The following NBEA variants were observed in gnomAD, a reference collection of about 807,000 sequenced individuals.
NBEA encodes the protein neurobeachin, also known as lysosomal-trafficking regulator 2.
Under a neutral mutation model 343.4 loss-of-function variants are expected in NBEA, and 44 were observed. That is an observed-to-expected ratio of 0.13 (90% CI 0.10 to 0.16). NBEA has a LOEUF of 0.16. Among genes scored for constraint, NBEA ranks in the 10% least tolerant of loss-of-function variants. The pLI, the probability that NBEA is intolerant of heterozygous loss-of-function variation, is 1.00. For missense variants in NBEA, 2,555 were observed against 3,631.3 expected (o/e 0.70, Z 7.62); for synonymous variants, 1,175 against 1,238.7 (o/e 0.95, Z 1.08).
intron 21 of NBEA, among the ~76,000 whole-genome samples, chr13:35,157,631 C>T (rs1364728641): frequency 6.6e-6 from 1 of 151,898 alleles, no homozygotes; most frequent in African/African-American, 2.4e-5. Flanking sequence ...TTTAAGAAGT[C>T]AGATTTTTTT....
At chr13:35,279,407 C>G (rs2034889825) in intron 34 of NBEA, among the ~76,000 whole-genome samples, 1 of 152,118 alleles carries the variant, frequency 6.6e-6, no homozygotes, top group East Asian at 1.9e-4. Flanking sequence ...ATTTTCAGTT[C>G]AGAGTTTCTT....
At position 35,514,971 on chromosome 13, in the gene NBEA, T is replaced by C. The variant is rs537219693; in HGVS notation, c.6586-35506T>C. Among the ~76,000 whole-genome samples the C allele has an allele frequency of 1.1e-4, 17 of 152,304 alleles. No individual in the cohort carries two copies. In the South Asian group the frequency reaches 2.3e-3, roughly 20 times the overall value. ...ACAGATAAGTCCGTGTAATTCCCCA[T>C]TGCAACAGAAATGATGCTCCAGATT... On this transcript the variant is annotated intron_variant, in intron 41 of 58. Coordinates refer to ENST00000379939, the MANE Select transcript of NBEA (RefSeq NM_001385012.1).
intron 41 of NBEA, among the ~76,000 whole-genome samples, chr13:35,546,160 G>T (rs1016030378): frequency 6.6e-6 from 1 of 152,164 alleles, no homozygotes; most frequent in Non-Finnish European, 1.5e-5. Flanking sequence ...GTCACAGGGA[G>T]GGGACAGACA....
chr13:35,431,232 A>G (rs908077160), intron 38 of NBEA, among the ~76,000 whole-genome samples: 2 of 152,136 alleles, frequency 1.3e-5, no homozygotes, highest in Admixed American at 6.6e-5. Context: ...CCTTAATCAG[A>G]CTTAAAGTGT....
intron 38 of NBEA, among the ~76,000 whole-genome samples, chr13:35,375,812 T>C (rs2041709308): frequency 6.6e-6 from 1 of 152,156 alleles, no homozygotes; most frequent in African/African-American, 2.4e-5. Flanking sequence ...AGGGAATTTA[T>C]TAAAACATTA....
intron 36 of NBEA, among the ~76,000 whole-genome samples, chr13:35,332,828 A>G (rs2039006004): frequency 6.6e-6 from 1 of 152,152 alleles, no homozygotes; most frequent in Non-Finnish European, 1.5e-5. Context: ...GGTTCAGAAT[A>G]TTCACATTCT....
At chr13:35,041,322 C>T (rs1191928275) in intron 2 of NBEA, among the ~76,000 whole-genome samples, 158 bp downstream of exon 2, 4 of 151,740 alleles carry the variant, frequency 2.6e-5, no homozygotes, top group African/African-American at 9.7e-5. Flanking sequence ...AATGGAAAAC[C>T]TGAAGAGTGC....
intron 18 of NBEA, among the ~76,000 whole-genome samples, chr13:35,150,642 GT>G (rs1237880140): frequency 6.6e-6 from 1 of 152,028 alleles, no homozygotes; most frequent in African/African-American, 2.4e-5. Context: ...AGTTTGAAAT[GT>G]TTTTTTAATC....
intron 49 of NBEA, among the ~76,000 whole-genome samples, chr13:35,633,398 G>T (rs1470835786): frequency 6.7e-6 from 1 of 150,286 alleles, no homozygotes; most frequent in Non-Finnish European, 1.5e-5. Context: ...CACCGCGCCC[G>T]GCCTAAATAA....
intron 34 of NBEA, among the ~76,000 whole-genome samples, chr13:35,272,713 C>T (rs2034262504): frequency 1.3e-5 from 2 of 152,226 alleles, no homozygotes; most frequent in Non-Finnish European, 2.9e-5. Context: ...ATCCTAGTCT[C>T]TGATAAAACA....
intron 4 of NBEA, among the ~76,000 whole-genome samples, chr13:35,046,237 G>C (rs1008451613): frequency 6.6e-6 from 1 of 152,098 alleles, no homozygotes; most frequent in Non-Finnish European, 1.5e-5. Context: ...TAAAATTGCT[G>C]TGAACATTTG....
chr13:35,262,459 T>C (rs2033290752), intron 34 of NBEA, among the ~76,000 whole-genome samples: 1 of 152,198 alleles, frequency 6.6e-6, no homozygotes, highest in African/African-American at 2.4e-5. Context: ...AACCATGATT[T>C]AAACACAGGA....
chr13:35,237,726 T>C (rs2152775252), intron 34 of NBEA, among the ~76,000 whole-genome samples: 1 of 152,348 alleles, frequency 6.6e-6, no homozygotes, highest in South Asian at 2.1e-4. Context: ...AAAAAGCAAT[T>C]ACTCTTTTAA....
intron 45 of NBEA, among the ~76,000 whole-genome samples, chr13:35,572,526 C>T (rs1343308012): frequency 3.3e-5 from 5 of 152,124 alleles, no homozygotes; most frequent in Non-Finnish European, 7.3e-5. Flanking sequence ...ATTATTATGC[C>T]ACTTAATAAA....
At chr13:35,491,508 C>A (rs995900336) in intron 41 of NBEA, among the ~76,000 whole-genome samples, 1 of 151,744 alleles carries the variant, frequency 6.6e-6, no homozygotes, top group African/African-American at 2.4e-5. Flanking sequence ...GCCTTTTTTC[C>A]GGTTTCTTAG....
chr13:34,992,234 GTGTGTATA>G (rs1380024886), intron 1 of NBEA, among the ~76,000 whole-genome samples: 1 of 110,258 alleles, frequency 9.1e-6, no homozygotes, highest in South Asian at 2.9e-4. Flanking sequence ...GTGTGTGTGT[GTGTGTATA>G]TATATATATA....
Position 35,142,340 on chromosome 13 carries a change from A to G in NBEA, c.2408A>G (p.Asn803Ser). The G allele has an allele frequency of 6.2e-7, 1 of 1,613,290 alleles. No individual in the cohort carries two copies. Among genetic ancestry groups the G allele is most frequent in the Non-Finnish European group, 8.5e-7 (1 of 1,179,492 alleles). Residue 803 changes from asparagine to serine, a missense_variant, in exon 18 of 59, where the codon AAC (asparagine) becomes AGC (serine). This residue lies in a region of NBEA where 360 missense variants were observed against 519.1 expected (regional missense o/e 0.69). Transcript: ENST00000379939. Reference sequence around the variant, plus strand: ...GGAGAAAGGCTGATGTTGCATACAAACACTGTGACTGTCACCACATACAAC... The same window carrying G: ...GGAGAAAGGCTGATGTTGCATACAAGCACTGTGACTGTCACCACATACAAC... ...LLGERLMLHT[N>S]TVTVTTYNTL...
chr13:35,218,723 T>C (rs2074204114), intron 33 of NBEA, among the ~76,000 whole-genome samples: 1 of 152,036 alleles, frequency 6.6e-6, no homozygotes, highest in South Asian at 2.1e-4. Flanking sequence ...TGTTGAAGTT[T>C]ATCTTATGCT....
chr13:35,310,951 G>A (rs2037321276), intron 36 of NBEA, among the ~76,000 whole-genome samples: 1 of 151,900 alleles, frequency 6.6e-6, no homozygotes, highest in South Asian at 2.1e-4. Flanking sequence ...ATTATATTTT[G>A]AGAAATATCT....
Sources: gnomAD v4.1 joint callset for allele counts (sites outside exome capture counted in the v4.1 genomes callset) on GRCh38, gnomAD v4.1.1 for gene constraint, gnomAD v4.1.1 regional missense constraint, MANE v1.5 for transcripts, NCBI Gene and HGNC (gene_info 2026-07-23, HGNC 2026-07-21) for gene names.